NPHP1: variants seen among roughly 807,000 people sequenced by gnomAD.
NPHP1 encodes nephrocystin 1.
A neutral mutation model predicts 90.4 loss-of-function variants in NPHP1; 70 were observed. The ratio of observed to expected loss-of-function variants is 0.77; its 90% CI spans 0.64 to 0.95. The LOEUF (loss-of-function observed/expected upper bound fraction) is 0.95. NPHP1 is among the 40% of genes least tolerant of loss of function. NPHP1 has a pLI of 0.00. For missense variants in NPHP1, 764 were observed against 795.9 expected (o/e 0.96, Z 0.48); for synonymous variants, 256 against 271.7 (o/e 0.94, Z 0.57).
At chr2:110,150,707 G>A (rs778604306) in intron 11 of NPHP1, among the ~76,000 whole-genome samples, 13 of 151,652 alleles carry the variant, frequency 8.6e-5, no homozygotes, top group Non-Finnish European at 1.3e-4. Flanking sequence ...CTGTCACCAC[G>A]CCCAGCTAAT....
intron 19 of NPHP1, chr2:110,125,282 C>A (rs1005645271): frequency 2.0e-6 from 3 of 1,535,564 alleles, no homozygotes; most frequent in African/African-American, 2.7e-5. Context: ...ACAGCTCAGG[C>A]CATTTTTTTT....
chr2:110,161,147 C>CA (rs1465067784), intron 10 of NPHP1, among the ~76,000 whole-genome samples: 2 of 152,106 alleles, frequency 1.3e-5, no homozygotes, highest in African/African-American at 2.4e-5. Context: ...GCCTGGGTGA[C>CA]AGAGGGAGAC....
At chr2:110,184,071 A>G in intron 2 of NPHP1, 1 of 523,436 alleles carries the variant, frequency 1.9e-6, no homozygotes, top group Non-Finnish European at 3.8e-6. Flanking sequence ...GTCTTACGAT[A>G]CAATCACCAA....
intron 12 of NPHP1, 68 bp downstream of exon 12, chr2:110,150,114 A>G (rs1681352082): frequency 3.5e-6 from 4 of 1,156,082 alleles, no homozygotes; most frequent in Non-Finnish European, 5.2e-6. Flanking sequence ...ACTCTGTGCT[A>G]TTTATAGAAA....
chr2:110,127,601 T>C (rs1679458357), intron 18 of NPHP1: 1 of 152,106 alleles, frequency 6.6e-6, no homozygotes, highest in Admixed American at 6.5e-5. Flanking sequence ...TGGGGTCTTT[T>C]TGCTAAATAA....
At chr2:110,151,124 C>T (rs1272247926) in intron 11 of NPHP1, among the ~76,000 whole-genome samples, 1 of 146,794 alleles carries the variant, frequency 6.8e-6, no homozygotes, top group Non-Finnish European at 1.5e-5. Context: ...TGATACCACA[C>T]CACTGCACTC....
Position 110,143,549 on chromosome 2 carries a change from C to T in NPHP1, c.1522G>A (p.Val508Ile), listed in dbSNP as rs573192954. Residue 508 changes from valine (V) to isoleucine (I), a missense_variant, in exon 16 of 20, where the codon GTA becomes ATA. Coordinates refer to ENST00000445609, the MANE Select transcript of NPHP1 (RefSeq NM_001128178.3). The stretch of plus-strand genomic sequence containing the variant: ...GTAAAAGCAGGTACCCACCTTAGTA[C>T]ATTTCTTGATCTTCTGTTCAAGGAT... ...LRSLNRRSRN[V>I]LSLLPETLIG... 6.8e-6 allele frequency: 11 copies of T among 1,609,992 alleles called. No homozygotes were observed. The highest frequency in any genetic ancestry group is 5.0e-5 in the Admixed American group (3 of 60,020).
At chr2:110,199,222 C>A (rs149349302) in intron 2 of NPHP1, among the ~76,000 whole-genome samples, 1 of 151,954 alleles carries the variant, frequency 6.6e-6, no homozygotes, top group Admixed American at 6.6e-5. Context: ...CACCTGAAGT[C>A]GGGAGTTTGA....
At chr2:110,152,289 AT>A (rs397868566) in intron 11 of NPHP1, among the ~76,000 whole-genome samples, 3,028 of 146,698 alleles carry the variant, frequency 0.021, 98 homozygotes, top group African/African-American at 0.07. Flanking sequence ...CCTTGGCTCT[AT>A]TTTTTTTTTT....
intron 17 of NPHP1, among the ~76,000 whole-genome samples, chr2:110,129,731 G>A (rs1679645733): frequency 6.6e-6 from 1 of 152,168 alleles, no homozygotes; most frequent in Non-Finnish European, 1.5e-5. Context: ...CTTGTGTCTG[G>A]AGCCAGCAGA....
chr2:110,130,534 C>A (rs916722151), intron 17 of NPHP1, among the ~76,000 whole-genome samples: 2 of 152,140 alleles, frequency 1.3e-5, no homozygotes, highest in Non-Finnish European at 2.9e-5. Context: ...GAACTTTCTG[C>A]GCTTCTCTGC....
chr2:110,157,712 A>G (rs1682014087), intron 11 of NPHP1, among the ~76,000 whole-genome samples: 1 of 151,946 alleles, frequency 6.6e-6, no homozygotes, highest in African/African-American at 2.4e-5. Flanking sequence ...CTCTATCCAC[A>G]TCTCTCATCT....
chr2:110,186,966 G>C (rs1417291957), intron 2 of NPHP1, among the ~76,000 whole-genome samples: 1 of 152,106 alleles, frequency 6.6e-6, no homozygotes, highest in Admixed American at 6.6e-5. Context: ...GAAGTTCTTT[G>C]AAACTAATGA....
At chr2:110,164,398 C>G in intron 8 of NPHP1, 1 of 702,230 alleles carries the variant, frequency 1.4e-6, no homozygotes, top group South Asian at 1.6e-5. Context: ...AATTTAACAT[C>G]TGTTTCCACT....
chr2:110,193,656 C>T (rs1190794397), intron 2 of NPHP1, among the ~76,000 whole-genome samples: 2 of 152,088 alleles, frequency 1.3e-5, no homozygotes, highest in South Asian at 2.1e-4. Context: ...ACCAAGTGGA[C>T]CTAATAGACA....
chr2:110,178,174 CT>C (rs1683637937), intron 4 of NPHP1: 3 of 510,380 alleles, frequency 5.9e-6, no homozygotes, highest in Non-Finnish European at 1.0e-5. Context: ...GTTCATTTAG[CT>C]TTTCAGATCT....
intron 2 of NPHP1, among the ~76,000 whole-genome samples, chr2:110,193,179 G>A (rs1041915905): frequency 6.6e-6 from 1 of 152,076 alleles, no homozygotes; most frequent in Non-Finnish European, 1.5e-5. Flanking sequence ...ATGTAAATGG[G>A]CTAAATGCTC....
At position 110,203,816 on chromosome 2, in the gene NPHP1, T is replaced by C. The variant is rs113319672; in HGVS notation, c.69+1084A>G. ...GTATTTTTAAAAAGTTTTTTTTTTT[T>C]TGAGACCAAGTCTTGTTATGTTGCC... On this transcript the variant is annotated intron_variant, in intron 1 of 19. Transcript: ENST00000445609. 1.0e-3 allele frequency among the ~76,000 whole-genome samples: 159 copies of C among 152,168 alleles called. 1 individual carries two copies. Among genetic ancestry groups the C allele is most frequent in the Non-Finnish European group, 1.9e-3 (132 of 67,992 alleles).
intron 11 of NPHP1, among the ~76,000 whole-genome samples, chr2:110,157,432 A>G (rs1313546855): frequency 1.3e-5 from 2 of 152,090 alleles, no homozygotes; most frequent in Non-Finnish European, 2.9e-5. Context: ...CCGTCATAAC[A>G]TAAGTTCATT....
Sources: gnomAD v4.1 joint callset for allele counts (sites outside exome capture counted in the v4.1 genomes callset) on GRCh38, gnomAD v4.1.1 for gene constraint, MANE v1.5 for transcripts, NCBI Gene and HGNC (gene_info 2026-07-23, HGNC 2026-07-21) for gene names.